The following MYOCD variants were observed in gnomAD, a reference collection of about 807,000 sequenced individuals.
MYOCD encodes myocardin.
MYOCD carries 32 observed loss-of-function variants against 96.1 expected under a neutral mutation model. The ratio of observed to expected loss-of-function variants is 0.33; its 90% confidence interval spans 0.25 to 0.45. The LOEUF (loss-of-function observed/expected upper bound fraction) is 0.45. MYOCD is among the 20% of genes least tolerant of loss of function. MYOCD has a pLI of 1.00. For missense variants in MYOCD, 1,133 were observed against 1,200.6 expected (o/e 0.94, Z 0.83); for synonymous variants, 469 against 469.0 (o/e 1.00, Z 0.00).
At chr17:12,670,288 T>C (rs1459965062) in intron 1 of MYOCD, among the ~76,000 whole-genome samples, 1 of 152,176 alleles carries the variant, frequency 6.6e-6, no homozygotes, top group African/African-American at 2.4e-5. Flanking sequence ...CTGGTGCCTG[T>C]AATTGGTTGC....
At chr17:12,676,240 C>A (rs1037839289) in intron 1 of MYOCD, among the ~76,000 whole-genome samples, 1 of 89,954 alleles carries the variant, frequency 1.1e-5, no homozygotes, top group Non-Finnish European at 2.3e-5. Flanking sequence ...CCCCTGCGCG[C>A]GCACGCACAC....
intron 8 of MYOCD, among the ~76,000 whole-genome samples, 157 bp from the exon 9 acceptor site, chr17:12,745,762 G>C (rs924443580): frequency 1.3e-5 from 2 of 152,080 alleles, no homozygotes; most frequent in African/African-American, 4.8e-5. Flanking sequence ...ACCGCTTACC[G>C]TCTAGCCGGC....
At chr17:12,698,588 T>A (rs1489802620) in intron 1 of MYOCD, among the ~76,000 whole-genome samples, 1 of 152,154 alleles carries the variant, frequency 6.6e-6, no homozygotes, top group African/African-American at 2.4e-5. Context: ...ACGAATGTAA[T>A]GAATTAATGC....
rs949080897 is a variant in MYOCD, at chr17:12,766,913, C to T, written c.*3269C>T. On this transcript the variant is annotated 3_prime_UTR_variant, in exon 14 of 14. Transcript: ENST00000425538. ...TTAGTAGTGACCCTGCTTCTATCAA[C>T]GTTATTGAGACAACACATATTCTAT... 8.0e-5 allele frequency: 12 copies of T among 150,868 alleles called. No homozygotes were observed. The highest frequency in any genetic ancestry group is 2.1e-4 in the South Asian group (1 of 4,800). The allele number at this position is 150,868 out of a possible 1,614,324, so 9.3% of individuals were successfully genotyped here.
intron 5 of MYOCD, among the ~76,000 whole-genome samples, chr17:12,730,528 A>G (rs2032140655): frequency 6.6e-6 from 1 of 152,030 alleles, no homozygotes; most frequent in East Asian, 1.9e-4. Flanking sequence ...TCCAACATCT[A>G]CCTATTATGC....
chr17:12,679,382 C>T (rs752085614), intron 1 of MYOCD, among the ~76,000 whole-genome samples: 5 of 152,054 alleles, frequency 3.3e-5, no homozygotes, highest in Non-Finnish European at 5.9e-5. Flanking sequence ...GAAATGCAGC[C>T]TTCACAAAGG....
chr17:12,732,110 C>T (rs1227627434), intron 5 of MYOCD, among the ~76,000 whole-genome samples: 1 of 152,150 alleles, frequency 6.6e-6, no homozygotes, highest in Non-Finnish European at 1.5e-5. Context: ...ATATTTGGGG[C>T]CTTGGCACTC....
At chr17:12,682,553 A>G (rs568656580) in intron 1 of MYOCD, among the ~76,000 whole-genome samples, 1 of 152,316 alleles carries the variant, frequency 6.6e-6, no homozygotes, top group South Asian at 2.1e-4. Flanking sequence ...TAAATTATAA[A>G]CAGGTACCAC....
At chr17:12,733,564 A>G (rs1273313556) in intron 5 of MYOCD, among the ~76,000 whole-genome samples, 1 of 151,974 alleles carries the variant, frequency 6.6e-6, no homozygotes, top group Admixed American at 6.5e-5. Flanking sequence ...CAATGTGTTC[A>G]TTTATTAAAA....
In MYOCD at chr17:12,723,078, T is replaced by C; in HGVS notation, c.415+70T>C. 7 of 1,467,942 alleles carry C rather than the reference T, an allele frequency of 4.8e-6. No individual in the cohort carries two copies. In the South Asian group the frequency reaches 9.2e-5, roughly 19 times the overall value. The allele number at this position is 1,467,942 out of a possible 1,614,324, so 90.9% of individuals were successfully genotyped here. On this transcript the variant is annotated intron_variant, in intron 5 of 13. Transcript: ENST00000425538. The stretch of plus-strand genomic sequence containing the variant: ...CTGAGGGCAGCCCGGAGCTCTGACA[T>C]ACTAGGATCTTTGGGGATGAGGGCC...
intron 13 of MYOCD, chr17:12,761,149 A>G (rs913821268): frequency 6.3e-6 from 1 of 158,426 alleles, no homozygotes; most frequent in Non-Finnish European, 1.4e-5. Flanking sequence ...AATGTTATAC[A>G]TGCTAGCAAT....
intron 1 of MYOCD, among the ~76,000 whole-genome samples, chr17:12,666,676 A>G (rs1194376595): frequency 6.6e-6 from 1 of 152,138 alleles, no homozygotes; most frequent in Admixed American, 6.6e-5. Flanking sequence ...AAACAAATGT[A>G]TTTCCCAAAA....
chr17:12,746,366 C>T (rs1374643474), intron 9 of MYOCD, among the ~76,000 whole-genome samples: 1 of 152,066 alleles, frequency 6.6e-6, no homozygotes, highest in African/African-American at 2.4e-5. Flanking sequence ...CAGTATCTGG[C>T]AAATGCCATC....
At chr17:12,744,540 C>T in intron 8 of MYOCD, 104 bp downstream of exon 8, 2 of 1,401,654 alleles carry the variant, frequency 1.4e-6, no homozygotes, top group Non-Finnish European at 1.9e-6. Flanking sequence ...TCCTGTATTG[C>T]ACCATTTCCT....
At chr17:12,725,128 A>G (rs2031958946) in intron 5 of MYOCD, among the ~76,000 whole-genome samples, 1 of 151,930 alleles carries the variant, frequency 6.6e-6, no homozygotes, top group Non-Finnish European at 1.5e-5. Flanking sequence ...GCGCACATTT[A>G]TTTTATAACT....
chr17:12,745,080 T>G (rs990417328), intron 8 of MYOCD, among the ~76,000 whole-genome samples: 1 of 152,248 alleles, frequency 6.6e-6, no homozygotes, highest in African/African-American at 2.4e-5. Context: ...GCAATTCCGA[T>G]GCCCTTCTGC....
At chr17:12,754,304 A>G (rs533675066) in intron 10 of MYOCD, among the ~76,000 whole-genome samples, 8 of 152,126 alleles carry the variant, frequency 5.3e-5, no homozygotes, top group Non-Finnish European at 1.2e-4. Context: ...GAGTTTCACC[A>G]TGTTGGCCAG....
intron 1 of MYOCD, among the ~76,000 whole-genome samples, chr17:12,675,528 A>G (rs1002521036): frequency 6.6e-6 from 1 of 152,262 alleles, no homozygotes. Context: ...AATTCAGGTT[A>G]TAAAACAATC....
intron 4 of MYOCD, among the ~76,000 whole-genome samples, chr17:12,719,713 A>AT (rs1466259531): frequency 1.3e-5 from 2 of 149,806 alleles, no homozygotes; most frequent in Non-Finnish European, 3.0e-5. Flanking sequence ...AAAAAAAAAA[A>AT]AAAATTAGCC....
Sources: allele counts gnomAD v4.1 joint callset (sites outside exome capture counted in the v4.1 genomes callset), GRCh38; gene constraint gnomAD v4.1.1; transcripts MANE v1.5; gene names NCBI Gene and HGNC (gene_info 2026-07-23, HGNC 2026-07-21).